SYNE1: variants seen among roughly 807,000 people sequenced by gnomAD.
The protein encoded by SYNE1 is spectrin repeat containing nuclear envelope protein 1.
In SYNE1, 616 loss-of-function variants were observed where a neutral mutation model predicts 1,111.0. The ratio of observed to expected loss-of-function variants is 0.55; its 90% CI spans 0.52 to 0.59. The LOEUF (loss-of-function observed/expected upper bound fraction) is 0.59, where lower values mean the gene tolerates loss of function less well. Among genes scored for constraint, SYNE1 ranks in the 20% least tolerant of loss-of-function variants. The pLI is 0.00. For synonymous variants in SYNE1, 3,855 were observed against 3,825.8 expected, an observed-to-expected ratio of 1.01 and a Z score of -0.28; for missense variants, 10,006 against 10,417.0, an observed-to-expected ratio of 0.96 and a Z score of 1.72.
At chr6:152,191,713 G>T (rs1041738714) in intron 127 of SYNE1, among the ~76,000 whole-genome samples, 1 of 151,680 alleles carries the variant, frequency 6.6e-6, no homozygotes, top group Non-Finnish European at 1.5e-5. Context: ...TCATTTTGTT[G>T]ATCTTTTGTA....
At chr6:152,435,587 CT>C (rs2098466656) in intron 33 of SYNE1, 1 of 272,428 alleles carries the variant, frequency 3.7e-6, no homozygotes, top group Non-Finnish European at 6.8e-6. Context: ...CCTTTTCGCT[CT>C]AAATGGTGAC....
At chr6:152,576,869 C>A (rs115563744) in intron 3 of SYNE1, among the ~76,000 whole-genome samples, 366 of 152,266 alleles carry the variant, frequency 2.4e-3, no homozygotes, top group African/African-American at 8.0e-3. Flanking sequence ...AATGGAGACA[C>A]AATTTGACTT....
At chr6:152,308,733 AGGG>A in intron 90 of SYNE1, 101 bp from the exon 91 acceptor site, 1 of 1,297,802 alleles carries the variant, frequency 7.7e-7, no homozygotes, top group Non-Finnish European at 1.0e-6. Context: ...CTGTACAGGT[AGGG>A]AATAAAGAAA....
At chr6:152,202,065 G>T (rs768661344) in intron 126 of SYNE1, 116 bp from the exon 127 acceptor site, 9 of 1,332,258 alleles carry the variant, frequency 6.8e-6, no homozygotes, top group Non-Finnish European at 9.4e-6. Flanking sequence ...TTACACTGAT[G>T]GCTGAGTGTG....
At chr6:152,383,065 C>T (rs2097453054) in intron 55 of SYNE1, among the ~76,000 whole-genome samples, 1 of 152,106 alleles carries the variant, frequency 6.6e-6, no homozygotes, top group African/African-American at 2.4e-5. Context: ...AGAGGAGGTG[C>T]TTTATGTATT....
chr6:152,333,564 G>A (rs922115153), intron 77 of SYNE1, among the ~76,000 whole-genome samples: 6 of 151,994 alleles, frequency 3.9e-5, no homozygotes, highest in African/African-American at 7.3e-5. Flanking sequence ...ATTTGAAAAC[G>A]TTAGGTTCAT....
intron 12 of SYNE1, among the ~76,000 whole-genome samples, chr6:152,487,979 G>A (rs1249979936): frequency 3.3e-5 from 5 of 151,792 alleles, no homozygotes; most frequent in African/African-American, 7.3e-5. Flanking sequence ...GGAGGCTGAG[G>A]CAGGAGAATG....
intron 95 of SYNE1, among the ~76,000 whole-genome samples, chr6:152,289,825 A>G (rs1319320770): frequency 2.0e-5 from 3 of 150,988 alleles, no homozygotes; most frequent in South Asian, 2.1e-4. Context: ...ACGGGGTTTC[A>G]CCATGTTAGC....
At chr6:152,384,353 T>C (rs944791027) in intron 55 of SYNE1, among the ~76,000 whole-genome samples, 12 of 152,156 alleles carry the variant, frequency 7.9e-5, no homozygotes, top group Non-Finnish European at 1.8e-4. Context: ...AGACTGCAAG[T>C]TCCTTAGGGA....
At chr6:152,355,049 A>G in intron 66 of SYNE1, 73 bp from the exon 67 acceptor site, 1 of 1,546,938 alleles carries the variant, frequency 6.5e-7, no homozygotes, top group Non-Finnish European at 8.9e-7. Flanking sequence ...GTCTTGCCCA[A>G]GCCAACTGTG....
intron 31 of SYNE1, 92 bp from the exon 32 acceptor site, chr6:152,441,362 G>T: frequency 1.5e-6 from 2 of 1,358,270 alleles, no homozygotes; most frequent in East Asian, 5.0e-5. Flanking sequence ...AACTTTCAGC[G>T]AATTCTCATT....
At chr6:152,301,194 GT>G (rs142912787) in intron 92 of SYNE1, among the ~76,000 whole-genome samples, 8,346 of 152,182 alleles carry the variant, frequency 0.055, 313 homozygotes, top group African/African-American at 0.097. Flanking sequence ...CCAAAGTACT[GT>G]TATTGCCAAA....
At chr6:152,289,463 T>C (rs192969668) in intron 95 of SYNE1, among the ~76,000 whole-genome samples, 3 of 152,204 alleles carry the variant, frequency 2.0e-5, no homozygotes, top group African/African-American at 7.2e-5. Context: ...CCATCTCTGC[T>C]CACTGTAACC....
At chr6:152,467,055 T>C (rs1319930263) in intron 16 of SYNE1, among the ~76,000 whole-genome samples, 1 of 152,140 alleles carries the variant, frequency 6.6e-6, no homozygotes, top group Non-Finnish European at 1.5e-5. Flanking sequence ...TAGAAATCTC[T>C]GGATTTTTAT....
At chr6:152,359,526 C>A in intron 64 of SYNE1, 68 bp from the exon 65 acceptor site, 5 of 1,595,648 alleles carry the variant, frequency 3.1e-6, no homozygotes, top group Non-Finnish European at 4.3e-6. Context: ...CTGCTAAAAT[C>A]AAGATATTTT....
In SYNE1 at chr6:152,350,120, A is replaced by G; in HGVS notation, c.11901+48T>C. The G allele has an allele frequency of 5.6e-6, 9 of 1,611,052 alleles. No homozygotes were observed. The South Asian group carries it at 8.8e-5, about 16-fold the overall frequency. ...CACATGCACAGACACATGCGTACAC[A>G]CACTGGTGAAGCCATCCCAAAGGCA... is the stretch of plus-strand genomic sequence containing the variant. On this transcript the variant is annotated intron_variant, in intron 72 of 145. Coordinates refer to ENST00000367255, the MANE Select transcript of SYNE1 (RefSeq NM_182961.4).
At position 152,330,648 on chromosome 6, in the gene SYNE1, C is replaced by T; in HGVS notation, c.14037G>A (p.Leu4679=). 6.2e-7 allele frequency: 1 copy of T among 1,613,758 alleles called. No individual in the cohort carries two copies. Among genetic ancestry groups the T allele is most frequent in the South Asian group, 1.1e-5 (1 of 91,084 alleles). ...AILARKEYAS[L]IELTTQSLSE... ...TCAGAGACTGGGTTGTCAACTCAAT[C>T]AAGGAAGCATATTCCTTCCGAGCAA... Residue 4679 remains leucine, a synonymous_variant, in exon 78 of 146, where the codon TTG becomes TTA. Transcript: ENST00000367255.
chr6:152,362,472 T>C (rs2096950175), intron 63 of SYNE1, 149 bp from the exon 64 acceptor site: 1 of 1,020,528 alleles, frequency 9.8e-7, no homozygotes, highest in Non-Finnish European at 1.5e-6. Context: ...GCCCAGGGCT[T>C]AAGGACACTG....
chr6:152,379,475 T>C (rs1010436612), intron 56 of SYNE1, among the ~76,000 whole-genome samples: 1 of 152,174 alleles, frequency 6.6e-6, no homozygotes, highest in African/African-American at 2.4e-5. Flanking sequence ...ACTTTAATTC[T>C]TATTGTGATC....
Sources: allele counts gnomAD v4.1 joint callset (sites outside exome capture counted in the v4.1 genomes callset), GRCh38; gene constraint gnomAD v4.1.1; transcripts MANE v1.5; gene names NCBI Gene and HGNC (gene_info 2026-07-23, HGNC 2026-07-21).